ITPR2: variants seen among roughly 807,000 people sequenced by gnomAD.
ITPR2 encodes inositol 1,4,5-trisphosphate-gated calcium channel ITPR2.
ITPR2 carries 207 observed loss-of-function variants against 317.1 expected under a neutral mutation model. That is an observed-to-expected ratio of 0.65 (90% CI 0.58 to 0.73). The LOEUF (loss-of-function observed/expected upper bound fraction) is 0.73, where lower values mean the gene tolerates loss of function less well. Ranked by LOEUF, ITPR2 falls within the 30% of genes least tolerant of loss-of-function variation. ITPR2 has a pLI of 0.00. For missense variants in ITPR2, 2,613 were observed against 3,284.0 expected (o/e 0.80, Z 4.99); for synonymous variants, 1,156 against 1,149.1 (o/e 1.01, Z -0.12).
At chr12:26,700,972 A>C (rs528292783) in intron 9 of ITPR2, among the ~76,000 whole-genome samples, 199 of 152,306 alleles carry the variant, frequency 1.3e-3, no homozygotes, top group Non-Finnish European at 2.3e-3. Flanking sequence ...ATTTTAGATA[A>C]ATTTATTGAT....
intron 2 of ITPR2, among the ~76,000 whole-genome samples, chr12:26,772,657 A>G (rs1430524192): frequency 6.7e-6 from 1 of 150,032 alleles, no homozygotes; most frequent in Non-Finnish European, 1.5e-5. Flanking sequence ...CAACTACTTC[A>G]TACACTGAAT....
chr12:26,612,471 T>A (rs558211879), intron 26 of ITPR2, among the ~76,000 whole-genome samples: 2 of 152,348 alleles, frequency 1.3e-5, no homozygotes, highest in Non-Finnish European at 2.9e-5. Flanking sequence ...ATATATTTCA[T>A]CCTGTTTACA....
intron 55 of ITPR2, among the ~76,000 whole-genome samples, chr12:26,344,491 T>C (rs1938241469): frequency 6.6e-6 from 1 of 152,146 alleles, no homozygotes; most frequent in Non-Finnish European, 1.5e-5. Flanking sequence ...TCACAGATAG[T>C]GTGTGAGCAT....
chr12:26,399,091 C>T (rs776835750), intron 53 of ITPR2, 50 bp from the exon 54 acceptor site: 1 of 1,296,884 alleles, frequency 7.7e-7, no homozygotes, highest in Non-Finnish European at 1.1e-6. Context: ...TGATTGAGCA[C>T]ACTGTCTAGC....
In ITPR2 at chr12:26,724,692, C is replaced by A. The variant is rs1428593333; in HGVS notation, c.330G>T (p.Leu110=). The A allele has an allele frequency of 6.2e-7, 1 of 1,604,966 alleles. No individual in the cohort carries two copies. Among genetic ancestry groups the A allele is most frequent in the Non-Finnish European group, 8.5e-7 (1 of 1,173,400 alleles). ...QKQNESENKK[L]LGEIVKYSNV... ...TACTGTATTTTACAATTTCTCCCAACAGTTTCTTATTCTCCGATTCATTTT... is the reference window on the plus strand; with the variant it reads ...TACTGTATTTTACAATTTCTCCCAAAAGTTTCTTATTCTCCGATTCATTTT... The change falls in exon 4 of 57, where the codon CTG becomes CTT. Residue 110 remains leucine, a synonymous_variant. Transcript: ENST00000381340.
chr12:26,587,256 T>A (rs1383332314), intron 32 of ITPR2, among the ~76,000 whole-genome samples: 1 of 144,218 alleles, frequency 6.9e-6, no homozygotes, highest in Non-Finnish European at 1.5e-5. Context: ...CTGTCTTTCA[T>A]TTGTTCCTAC....
rs141700852 is a variant in ITPR2, at chr12:26,589,337, T to C, written c.4380+6128A>G. ...AGACAAGGAAATGCCAATAGGAAAATGAAAAATACTAAAAAAAGGTGACTT... is the reference window on the plus strand; with the variant it reads ...AGACAAGGAAATGCCAATAGGAAAACGAAAAATACTAAAAAAAGGTGACTT... On this transcript the variant is annotated intron_variant, in intron 32 of 56. Coordinates refer to ENST00000381340, the MANE Select transcript of ITPR2 (RefSeq NM_002223.4). Among the ~76,000 whole-genome samples the C allele has an allele frequency of 6.1e-3, 930 of 151,478 alleles. 10 individuals are homozygous for C. Among genetic ancestry groups the C allele is most frequent in the African/African-American group, 0.022 (901 of 41,270 alleles).
At position 26,781,509 on chromosome 12, in the gene ITPR2, C is replaced by T. The variant is rs550706039; in HGVS notation, c.163+8648G>A. Among the ~76,000 whole-genome samples the T allele has an allele frequency of 3.9e-5, 6 of 152,076 alleles. No homozygotes were observed. The East Asian group carries it at 5.8e-4, about 15-fold the overall frequency. ...TTTGGGCTGGGGATTGGTACATTTC[C>T]GGTTGTACAAAGGACAGTTGTATCA... On this transcript the variant is annotated intron_variant, in intron 2 of 56. Coordinates refer to ENST00000381340, the MANE Select transcript of ITPR2 (RefSeq NM_002223.4).
chr12:26,615,467 C>T (rs75582016), intron 26 of ITPR2, among the ~76,000 whole-genome samples: 5,153 of 152,076 alleles, frequency 0.034, 140 homozygotes, highest in Middle Eastern at 0.058. Flanking sequence ...ATCCATATGC[C>T]ATACAAAGTC....
chr12:26,776,633 A>G (rs1949976007), intron 2 of ITPR2, among the ~76,000 whole-genome samples: 1 of 152,078 alleles, frequency 6.6e-6, no homozygotes, highest in Admixed American at 6.5e-5. Context: ...GAGCTTGTAA[A>G]CTCTGATGAA....
chr12:26,824,843 A>G (rs768431107), intron 1 of ITPR2, among the ~76,000 whole-genome samples: 7 of 152,322 alleles, frequency 4.6e-5, no homozygotes, highest in Admixed American at 2.6e-4. Context: ...AAAGCTATAT[A>G]TTTTTAAACA....
chr12:26,695,561 T>C (rs544141770), intron 10 of ITPR2, 45 bp downstream of exon 10: 20 of 1,519,042 alleles, frequency 1.3e-5, no homozygotes, highest in Non-Finnish European at 1.8e-5. Flanking sequence ...TATAAAATAA[T>C]AACAATATGC....
intron 2 of ITPR2, among the ~76,000 whole-genome samples, chr12:26,761,284 G>A (rs1949628374): frequency 6.6e-6 from 1 of 152,220 alleles, no homozygotes; most frequent in Non-Finnish European, 1.5e-5. Context: ...TGGACGGGCT[G>A]ATTGGTGAAG....
intron 9 of ITPR2, among the ~76,000 whole-genome samples, chr12:26,698,674 G>C (rs11048659): frequency 0.083 from 12,564 of 152,236 alleles, 567 homozygotes; most frequent in Middle Eastern, 0.15. Flanking sequence ...TTAATGCTGG[G>C]ACAGCCACTG....
At position 26,832,859 on chromosome 12, in the gene ITPR2, C is replaced by A; in HGVS notation, c.-78G>T. 1 of 1,164,000 alleles carries A rather than the reference C, an allele frequency of 8.6e-7. No individual in the cohort carries two copies. Among genetic ancestry groups the A allele is most frequent in the Non-Finnish European group, 1.3e-6 (1 of 791,872 alleles). The allele number at this position is 1,164,000 out of a possible 1,614,324, so 72.1% of individuals were successfully genotyped here. A position where few individuals can be genotyped will look rare whatever the true frequency, so the allele number is the denominator to read the frequency against. The stretch of plus-strand genomic sequence containing the variant: ...CCCTCTCTCCAGGGAGCCGCCGCGG[C>A]AGAAGCGGATCGGATCGCGGGACTA... On this transcript the variant is annotated 5_prime_UTR_variant, in exon 1 of 57. Coordinates refer to ENST00000381340, the MANE Select transcript of ITPR2 (RefSeq NM_002223.4).
chr12:26,771,496 G>T (rs927505153), intron 2 of ITPR2, among the ~76,000 whole-genome samples: 1 of 152,038 alleles, frequency 6.6e-6, no homozygotes, highest in Non-Finnish European at 1.5e-5. Context: ...TTTGTTTTTT[G>T]TTGTTGTTAT....
chr12:26,832,861 G>A lies in ITPR2; in HGVS notation c.-80C>T. 3.6e-6 allele frequency: 4 copies of A among 1,125,466 alleles called. No homozygotes were observed. Among genetic ancestry groups the A allele is most frequent in the Non-Finnish European group, 5.3e-6 (4 of 758,322 alleles). 69.7% of individuals were successfully genotyped at this position (1,125,466 alleles called of 1,614,324 possible). On this transcript the variant is annotated 5_prime_UTR_variant, in exon 1 of 57. Transcript: ENST00000381340. ...CTCTCTCCAGGGAGCCGCCGCGGCA[G>A]AAGCGGATCGGATCGCGGGACTACA...
intron 55 of ITPR2, among the ~76,000 whole-genome samples, chr12:26,370,453 A>G (rs1939150705): frequency 6.6e-6 from 1 of 152,170 alleles, no homozygotes; most frequent in Non-Finnish European, 1.5e-5. Context: ...GGAGTGTTTT[A>G]GTTCCACTGC....
At chr12:26,657,952 G>A in intron 17 of ITPR2, 59 bp downstream of exon 17, 4 of 1,603,138 alleles carry the variant, frequency 2.5e-6, no homozygotes, top group Admixed American at 1.7e-5. Flanking sequence ...ATATGACAAA[G>A]AATTACAGTG....
Sources: gnomAD v4.1 joint callset for allele counts (sites outside exome capture counted in the v4.1 genomes callset) on GRCh38, gnomAD v4.1.1 for gene constraint, MANE v1.5 for transcripts, NCBI Gene and HGNC (gene_info 2026-07-23, HGNC 2026-07-21) for gene names.